CSMD1: variants seen among roughly 807,000 people sequenced by gnomAD.
CSMD1 encodes CUB and sushi domain-containing protein 1.
A neutral mutation model predicts 417.5 loss-of-function variants in CSMD1; 213 were observed. That is an observed-to-expected ratio of 0.51 (90% CI 0.46 to 0.57). The LOEUF is 0.57. Ranked by LOEUF, CSMD1 falls within the 20% of genes least tolerant of loss-of-function variation. The pLI is 0.00. For synonymous variants in CSMD1, 2,862 were observed against 1,736.8 expected (o/e 1.65, Z -16.11); for missense variants, 6,923 against 4,529.7 (o/e 1.53, Z -15.17).
chr8:4,299,456 T>G (rs1356179473), intron 3 of CSMD1, among the ~76,000 whole-genome samples: 1 of 152,142 alleles, frequency 6.6e-6, no homozygotes, highest in African/African-American at 2.4e-5. Flanking sequence ...CACTAGTAAT[T>G]GGTTCTTTAA....
In CSMD1 at chr8:4,591,351, C is replaced by A. The variant is rs1226574650; in HGVS notation, c.302+45991G>T. On this transcript the variant is annotated intron_variant, in intron 2 of 69. Coordinates refer to ENST00000635120, the MANE Select transcript of CSMD1 (RefSeq NM_033225.6). ...GTCTAGGTCAGACAAAATTCACAGA[C>A]AAACTAGTTGGGCCACCTTGGATAT... Among the ~76,000 whole-genome samples the A allele has an allele frequency of 2.0e-5, 3 of 152,170 alleles. No individual in the cohort carries two copies. In the East Asian group the frequency reaches 5.8e-4, roughly 29 times the overall value.
At chr8:4,083,238 A>G (rs1800235665) in intron 3 of CSMD1, among the ~76,000 whole-genome samples, 1 of 152,178 alleles carries the variant, frequency 6.6e-6, no homozygotes, top group African/African-American at 2.4e-5. Flanking sequence ...CCAACAGTGT[A>G]AAAGTGTTCT....
At chr8:3,304,670 C>CA (rs1390163242) in intron 25 of CSMD1, among the ~76,000 whole-genome samples, 7 of 151,884 alleles carry the variant, frequency 4.6e-5, no homozygotes, top group African/African-American at 4.8e-5. Context: ...GAAAATTTTT[C>CA]AAGGTCAGTT....
chr8:4,145,314 A>G (rs1024835702), intron 3 of CSMD1, among the ~76,000 whole-genome samples: 1 of 151,068 alleles, frequency 6.6e-6, no homozygotes, highest in Non-Finnish European at 1.5e-5. Context: ...TATGGTACTC[A>G]CCATTTTTTG....
intron 5 of CSMD1, among the ~76,000 whole-genome samples, chr8:3,840,225 GA>G (rs912690730): frequency 1.3e-5 from 2 of 150,412 alleles, no homozygotes; most frequent in South Asian, 2.1e-4. Flanking sequence ...TTGAACCTTT[GA>G]AAAAAAAAGA....
intron 3 of CSMD1, among the ~76,000 whole-genome samples, chr8:4,397,754 G>C (rs752892590): frequency 3.3e-5 from 5 of 152,038 alleles, no homozygotes; most frequent in South Asian, 4.2e-4. Context: ...GAATAACAAA[G>C]ACATGAAGGG....
chr8:3,412,233 CATTG>C lies in CSMD1; in HGVS notation c.1562-2632_1562-2629del, dbSNP rs575843046. Among the ~76,000 whole-genome samples the C allele has an allele frequency of 2.0e-4, 30 of 150,880 alleles. No individual in the cohort carries two copies. In the South Asian group the frequency reaches 5.4e-3, roughly 27 times the overall value. ...ACACACCACTGTTTCTTTATCCACT[CATTG>C]ATTGATGGGCATTTGGGTTGGTTCC... On this transcript the variant is annotated intron_variant, in intron 12 of 69. Transcript: ENST00000635120.
intron 26 of CSMD1, among the ~76,000 whole-genome samples, chr8:3,265,482 G>T (rs563243662): frequency 6.6e-6 from 1 of 152,118 alleles, no homozygotes; most frequent in African/African-American, 2.4e-5. Flanking sequence ...GTGTTTAACC[G>T]CAACCTGTCA....
At chr8:4,207,308 T>C (rs955735463) in intron 3 of CSMD1, among the ~76,000 whole-genome samples, 1 of 152,192 alleles carries the variant, frequency 6.6e-6, no homozygotes, top group Non-Finnish European at 1.5e-5. Flanking sequence ...ATGTTAACGT[T>C]AACTTTTAGT....
intron 10 of CSMD1, among the ~76,000 whole-genome samples, chr8:3,513,663 A>G (rs1384976649): frequency 6.6e-6 from 1 of 152,186 alleles, no homozygotes; most frequent in East Asian, 1.9e-4. Context: ...CTACCAGCCA[A>G]TATGCCAGCA....
intron 5 of CSMD1, among the ~76,000 whole-genome samples, chr8:3,976,825 C>T (rs1469612094): frequency 6.6e-6 from 1 of 152,100 alleles, no homozygotes; most frequent in Admixed American, 6.5e-5. Flanking sequence ...GCATCTGTGA[C>T]CTCAACCACT....
chr8:4,194,803 C>T (rs956325898), intron 3 of CSMD1, among the ~76,000 whole-genome samples: 2 of 151,856 alleles, frequency 1.3e-5, no homozygotes, highest in Non-Finnish European at 2.9e-5. Flanking sequence ...ACTCTTTGGT[C>T]ACTATGAGTT....
chr8:3,436,863 A>C (rs1814599280), intron 12 of CSMD1, among the ~76,000 whole-genome samples: 1 of 152,184 alleles, frequency 6.6e-6, no homozygotes, highest in South Asian at 2.1e-4. Flanking sequence ...CGGGATTATT[A>C]GAGATGAAAA....
At chr8:4,670,106 G>T (rs1300658564) in intron 1 of CSMD1, among the ~76,000 whole-genome samples, 1 of 152,052 alleles carries the variant, frequency 6.6e-6, no homozygotes, top group African/African-American at 2.4e-5. Flanking sequence ...TGTAAGATAG[G>T]GCAAACTTTC....
chr8:4,317,322 C>T (rs947172005), intron 3 of CSMD1, among the ~76,000 whole-genome samples: 4 of 152,138 alleles, frequency 2.6e-5, no homozygotes, highest in Admixed American at 6.6e-5. Context: ...TGCTTGCTAA[C>T]GTGGGGTGCA....
intron 6 of CSMD1, among the ~76,000 whole-genome samples, chr8:3,723,641 C>G (rs1221808758): frequency 7.0e-6 from 1 of 142,948 alleles, no homozygotes; most frequent in South Asian, 2.5e-4. Flanking sequence ...CAAGTAGTGT[C>G]TGTCTTTGTA....
chr8:3,404,128 G>T (rs1363923464), intron 15 of CSMD1, among the ~76,000 whole-genome samples: 1 of 152,106 alleles, frequency 6.6e-6, no homozygotes, highest in African/African-American at 2.4e-5. Context: ...GAGGTCAGGA[G>T]TTTGAGACCA....
At chr8:4,822,844 A>T (rs1799597283) in intron 1 of CSMD1, among the ~76,000 whole-genome samples, 1 of 151,936 alleles carries the variant, frequency 6.6e-6, no homozygotes, top group Admixed American at 6.6e-5. Flanking sequence ...CCCTTCTGTA[A>T]TTTTCTCCGT....
At position 2,978,722 on chromosome 8, in the gene CSMD1, T is replaced by C. The variant is rs1434249409; in HGVS notation, c.8456A>G (p.Tyr2819Cys). ...GQQNFPESFEYGMSILYHCKK... is the reference protein window; with the variant it reads ...GQQNFPESFECGMSILYHCKK... Reference sequence around the variant, plus strand: ...GCAATGGTACAGGATACTCATTCCATACTCAAAACTCTCAGGGAAGTTCTG... The same window carrying C: ...GCAATGGTACAGGATACTCATTCCACACTCAAAACTCTCAGGGAAGTTCTG... The change falls in exon 55 of 70, where the codon TAT becomes TGT. Residue 2819 changes from tyrosine to cysteine, a missense_variant. By Grantham distance (194) the Tyr-to-Cys change is radical (BLOSUM62 -2). Transcript: ENST00000635120. 3.1e-6 allele frequency: 5 copies of C among 1,613,216 alleles called. No homozygotes were observed. The highest frequency in any genetic ancestry group is 3.4e-6 in the Non-Finnish European group (4 of 1,179,666).
Sources: gnomAD v4.1 joint callset for allele counts (sites outside exome capture counted in the v4.1 genomes callset) on GRCh38, gnomAD v4.1.1 for gene constraint, MANE v1.5 for transcripts, NCBI Gene and HGNC (gene_info 2026-07-23, HGNC 2026-07-21) for gene names.